The following VTI1A variants were observed in gnomAD, a reference collection of about 807,000 sequenced individuals.
The protein encoded by VTI1A is vesicle transport through interaction with t-SNAREs homolog 1A.
Under a neutral mutation model 34.9 loss-of-function variants are expected in VTI1A, and 22 were observed. The ratio of observed to expected loss-of-function variants is 0.63; its 90% CI spans 0.45 to 0.90. The LOEUF (loss-of-function observed/expected upper bound fraction) is 0.90, where lower values mean the gene tolerates loss of function less well. VTI1A is among the 40% of genes least tolerant of loss of function. The probability of loss-of-function intolerance (pLI) is 0.00; values close to 1 mark genes in which losing one functional copy is unlikely to be tolerated. For synonymous variants in VTI1A, 87 were observed against 97.3 expected (o/e 0.89, Z 0.62); for missense variants, 268 against 275.6 (o/e 0.97, Z 0.20).
At chr10:112,651,363 T>C (rs933733907) in intron 5 of VTI1A, among the ~76,000 whole-genome samples, 9 of 152,156 alleles carry the variant, frequency 5.9e-5, no homozygotes, top group African/African-American at 1.9e-4. Context: ...CAGGCTGGAG[T>C]GCAGTGGTGC....
intron 7 of VTI1A, among the ~76,000 whole-genome samples, chr10:112,673,765 T>C (rs1198177988): frequency 3.9e-5 from 6 of 152,246 alleles, no homozygotes; most frequent in Non-Finnish European, 8.8e-5. Context: ...TTTGGTAGAA[T>C]GACAGGTAAA....
chr10:112,561,097 TTG>T (rs1346341353), intron 5 of VTI1A, among the ~76,000 whole-genome samples: 3 of 152,268 alleles, frequency 2.0e-5, no homozygotes, highest in African/African-American at 7.2e-5. Flanking sequence ...AAAAAGAATA[TTG>T]TGTTTCATTT....
chr10:112,487,690 C>T (rs1358667493), intron 3 of VTI1A, among the ~76,000 whole-genome samples: 7 of 152,102 alleles, frequency 4.6e-5, no homozygotes, highest in African/African-American at 1.7e-4. Context: ...TAACCTATGG[C>T]CTTCTGTATA....
intron 5 of VTI1A, among the ~76,000 whole-genome samples, chr10:112,648,466 C>G (rs758859184): frequency 5.9e-5 from 9 of 152,202 alleles, no homozygotes; most frequent in Non-Finnish European, 1.3e-4. Flanking sequence ...GTGCACCAGA[C>G]TCTAAAATGA....
chr10:112,715,766 C>T (rs906727540), intron 7 of VTI1A, among the ~76,000 whole-genome samples: 5 of 152,184 alleles, frequency 3.3e-5, no homozygotes, highest in African/African-American at 1.2e-4. Context: ...ACTTCAAGGG[C>T]GCAGTCAGCT....
intron 5 of VTI1A, chr10:112,548,906 C>A: frequency 9.6e-7 from 1 of 1,041,602 alleles, no homozygotes. Context: ...GAAGTTTCTT[C>A]ACATCCACTG....
At chr10:112,834,822 C>A in the VTI1A span, among the ~76,000 whole-genome samples, 1 of 152,158 alleles carries the variant, frequency 6.6e-6, no homozygotes, top group Non-Finnish European at 1.5e-5. Flanking sequence ...CATTGTTGGA[C>A]TAAAATAGCA....
chr10:112,764,521 A>AT lies in VTI1A; in HGVS notation c.561-50766dup, dbSNP rs1851584841. On this transcript the variant is annotated intron_variant, in intron 7 of 7. Coordinates refer to ENST00000393077, the MANE Select transcript of VTI1A (RefSeq NM_145206.4). ...TATATAGAGTGATATACTGAAAAAA[A>AT]TTTGAAAATTATAGGGAATTGTGAA... Among the ~76,000 whole-genome samples the AT allele has an allele frequency of 3.3e-5, 5 of 152,136 alleles. No homozygotes were observed. In the South Asian group the frequency reaches 1.0e-3, roughly 31 times the overall value.
At chr10:112,717,340 A>G (rs1181381741) in intron 7 of VTI1A, among the ~76,000 whole-genome samples, 2 of 152,100 alleles carry the variant, frequency 1.3e-5, no homozygotes, top group African/African-American at 4.8e-5. Flanking sequence ...TGAGTAGCAA[A>G]CCACCCTAGA....
chr10:112,526,994 G>A lies in VTI1A; in HGVS notation c.265-93G>A, dbSNP rs1395982529. 1.9e-5 allele frequency: 24 copies of A among 1,242,194 alleles called. No individual in the cohort carries two copies. The South Asian group carries it at 2.2e-4, about 11-fold the overall frequency. The allele number at this position is 1,242,194 out of a possible 1,614,324, so 76.9% of individuals were successfully genotyped here. A position where few individuals can be genotyped will look rare whatever the true frequency, so the allele number is the denominator to read the frequency against. On this transcript the variant is annotated intron_variant, in intron 3 of 7. Coordinates refer to ENST00000393077, the MANE Select transcript of VTI1A (RefSeq NM_145206.4). ...AATAGGTTTCCATTAGGGGGCTCTC[G>A]AGGTTTGAGATCAGCCTTGATACCA...
At chr10:112,835,520 G>A in the VTI1A span, among the ~76,000 whole-genome samples, 4 of 152,148 alleles carry the variant, frequency 2.6e-5, no homozygotes, top group Non-Finnish European at 2.9e-5. Context: ...CAAGTGTCCC[G>A]TTACTGTAAA....
intron 7 of VTI1A, among the ~76,000 whole-genome samples, chr10:112,798,594 T>A (rs552674675): frequency 6.6e-6 from 1 of 152,310 alleles, no homozygotes; most frequent in African/African-American, 2.4e-5. Context: ...ATACAGGACC[T>A]GAGAGAGTGA....
At chr10:112,694,538 T>TC (rs1848716896) in intron 7 of VTI1A, among the ~76,000 whole-genome samples, 1 of 152,072 alleles carries the variant, frequency 6.6e-6, no homozygotes, top group Non-Finnish European at 1.5e-5. Flanking sequence ...CTCTAATGTC[T>TC]GGAAGCATGC....
chr10:112,757,719 T>G (rs543387924), intron 7 of VTI1A, among the ~76,000 whole-genome samples: 1 of 152,284 alleles, frequency 6.6e-6, no homozygotes, highest in East Asian at 1.9e-4. Flanking sequence ...ATTTTTAATA[T>G]GACAGTAATA....
intron 3 of VTI1A, among the ~76,000 whole-genome samples, chr10:112,519,773 C>T (rs111592325): frequency 1.3e-5 from 2 of 151,994 alleles, no homozygotes; most frequent in African/African-American, 2.4e-5. Context: ...AAATTTGCAG[C>T]CTGATCTAGA....
chr10:112,716,488 T>C (rs1849618845), intron 7 of VTI1A, among the ~76,000 whole-genome samples: 2 of 151,924 alleles, frequency 1.3e-5, no homozygotes. Context: ...ACACAAGGAG[T>C]TCTTAGCTAA....
At chr10:112,757,481 G>A (rs915009146) in intron 7 of VTI1A, among the ~76,000 whole-genome samples, 11 of 144,736 alleles carry the variant, frequency 7.6e-5, no homozygotes, top group Admixed American at 2.9e-4. Context: ...ATTCTTCCGC[G>A]TCAAGTGATT....
At chr10:112,606,927 A>G (rs1845107478) in intron 5 of VTI1A, among the ~76,000 whole-genome samples, 1 of 152,172 alleles carries the variant, frequency 6.6e-6, no homozygotes, top group African/African-American at 2.4e-5. Context: ...AGTGCTTTAC[A>G]TATGTTATTT....
downstream of VTI1A, among the ~76,000 whole-genome samples, chr10:112,819,015 TTTAATATTTAA>T (rs1374126731): frequency 2.0e-5 from 3 of 152,202 alleles, no homozygotes; most frequent in Admixed American, 6.5e-5. Flanking sequence ...ACAGGCACAC[TTTAATATTTAA>T]TTAAGGTTGA....
Sources: gnomAD v4.1 joint callset for allele counts (sites outside exome capture counted in the v4.1 genomes callset) on GRCh38, gnomAD v4.1.1 for gene constraint, MANE v1.5 for transcripts, NCBI Gene and HGNC (gene_info 2026-07-23, HGNC 2026-07-21) for gene names.